DCAF6: variants seen among roughly 807,000 people sequenced by gnomAD.
DCAF6 encodes the protein DDB1 and CUL4 associated factor 6.
A neutral mutation model predicts 125.1 loss-of-function variants in DCAF6; 54 were observed. The ratio of observed to expected loss-of-function variants is 0.43; its 90% CI spans 0.35 to 0.54. DCAF6 has a LOEUF of 0.54. Ranked by LOEUF, DCAF6 falls within the 20% of genes least tolerant of loss-of-function variation. The pLI is 0.01. For missense variants in DCAF6, 934 were observed against 1,161.7 expected (o/e 0.80, Z 2.85); for synonymous variants, 371 against 390.4 (o/e 0.95, Z 0.58).
chr1:167,923,109 G>T, the DCAF6 span, among the ~76,000 whole-genome samples: 1 of 152,166 alleles, frequency 6.6e-6, no homozygotes. Context: ...TGAATTGCTG[G>T]TAGAAATGTA....
chr1:167,882,718 G>A, the DCAF6 span, among the ~76,000 whole-genome samples: 2 of 73,958 alleles, frequency 2.7e-5, no homozygotes, highest in African/African-American at 1.2e-4. Flanking sequence ...GTAGCCCAGC[G>A]TAGTGAGAGG....
chr1:167,893,695 C>CAAAAAA, the DCAF6 span, among the ~76,000 whole-genome samples: 1 of 70,190 alleles, frequency 1.4e-5, no homozygotes, highest in African/African-American at 5.0e-5. Flanking sequence ...GACTCTGTCT[C>CAAAAAA]AAAAAAAAAA....
At chr1:167,894,017 G>T in the DCAF6 span, 1 of 998,640 alleles carries the variant, frequency 1.0e-6, no homozygotes, top group Non-Finnish European at 1.6e-6. Flanking sequence ...GAGGCTCCCA[G>T]TCCCTATTCT....
chr1:167,900,720 C>T, the DCAF6 span, among the ~76,000 whole-genome samples: 25 of 152,174 alleles, frequency 1.6e-4, no homozygotes, highest in African/African-American at 5.3e-4. Flanking sequence ...TTAGTAGAGA[C>T]GGGGTTTCAC....
chr1:167,995,591 A>G (rs1479965587), intron 7 of DCAF6, among the ~76,000 whole-genome samples: 1 of 151,810 alleles, frequency 6.6e-6, no homozygotes, highest in East Asian at 1.9e-4. Context: ...GAGGCAGGAG[A>G]ATTGCTTGAA....
chr1:167,985,423 C>T (rs1330558161), intron 4 of DCAF6, among the ~76,000 whole-genome samples: 2 of 152,122 alleles, frequency 1.3e-5, no homozygotes, highest in African/African-American at 2.4e-5. Flanking sequence ...CTTCCTCTAT[C>T]TTCAAACCCA....
the DCAF6 span, chr1:167,901,744 C>T: frequency 6.2e-7 from 1 of 1,614,180 alleles, no homozygotes; most frequent in Non-Finnish European, 8.5e-7. Context: ...ATTTAATTAC[C>T]ACTGTGATAA....
At chr1:167,899,611 T>C in the DCAF6 span, 3 of 1,613,998 alleles carry the variant, frequency 1.9e-6, no homozygotes, top group Non-Finnish European at 2.5e-6. Context: ...AACATGCTGA[T>C]GTGGCCAGCA....
the DCAF6 span, among the ~76,000 whole-genome samples, chr1:167,880,838 T>G: frequency 6.6e-6 from 1 of 152,206 alleles, no homozygotes; most frequent in African/African-American, 2.4e-5. Flanking sequence ...ATATAGTGAA[T>G]AGGGCTGAGC....
intron 21 of DCAF6, among the ~76,000 whole-genome samples, chr1:168,069,515 G>A (rs1251780374): frequency 6.6e-6 from 1 of 152,122 alleles, no homozygotes; most frequent in Admixed American, 6.5e-5. Flanking sequence ...CATAAGCAGT[G>A]AATTAAATAT....
chr1:167,870,756 C>G, the DCAF6 span, among the ~76,000 whole-genome samples: 3 of 151,264 alleles, frequency 2.0e-5, no homozygotes, highest in African/African-American at 7.3e-5. Flanking sequence ...TTGCAGCGAG[C>G]CGGGATCCTG....
At chr1:167,868,220 T>C in the DCAF6 span, among the ~76,000 whole-genome samples, 10 of 152,266 alleles carry the variant, frequency 6.6e-5, no homozygotes, top group Non-Finnish European at 1.3e-4. Flanking sequence ...TGTCACCTCA[T>C]GTTACGTTTG....
chr1:167,918,828 T>C, the DCAF6 span, among the ~76,000 whole-genome samples: 3 of 151,984 alleles, frequency 2.0e-5, no homozygotes, highest in Non-Finnish European at 2.9e-5. Flanking sequence ...CTCCTGACCT[T>C]GTGGTCTGCC....
At chr1:167,887,283 C>T in the DCAF6 span, among the ~76,000 whole-genome samples, 7 of 152,124 alleles carry the variant, frequency 4.6e-5, no homozygotes, top group Admixed American at 4.6e-4. Flanking sequence ...ATAGCAAAGA[C>T]CTGGAACCAA....
upstream of DCAF6, chr1:167,936,547 A>G (rs203787): frequency 3.8e-4 from 105 of 274,540 alleles, no homozygotes; most frequent in African/African-American, 2.2e-3. Context: ...CTCAGTCCCC[A>G]GGGTGGTCGT....
chr1:167,993,665 C>T (rs1010062017), intron 7 of DCAF6, among the ~76,000 whole-genome samples: 13 of 152,152 alleles, frequency 8.5e-5, no homozygotes, highest in Admixed American at 4.6e-4. Context: ...AGCAGAATCG[C>T]TTGAACCCGG....
upstream of DCAF6, chr1:167,936,548 G>A (rs1002505270): frequency 2.1e-5 from 6 of 279,694 alleles, no homozygotes; most frequent in Non-Finnish European, 3.5e-5. Flanking sequence ...TCAGTCCCCA[G>A]GGTGGTCGTC....
At chr1:167,912,533 C>T in the DCAF6 span, among the ~76,000 whole-genome samples, 459 of 152,342 alleles carry the variant, frequency 3.0e-3, 2 homozygotes, top group Non-Finnish European at 5.6e-3. Flanking sequence ...AAACCAATCC[C>T]CTGAACCCTA....
intron 12 of DCAF6, among the ~76,000 whole-genome samples, chr1:168,034,956 T>A (rs1687605636): frequency 6.6e-6 from 1 of 152,222 alleles, no homozygotes; most frequent in Admixed American, 6.5e-5. Context: ...TAGGTTTTTC[T>A]TAAGACATTT....
Sources: gnomAD v4.1 joint callset for allele counts (sites outside exome capture counted in the v4.1 genomes callset) on GRCh38, gnomAD v4.1.1 for gene constraint, MANE v1.5 for transcripts, NCBI Gene and HGNC (gene_info 2026-07-23, HGNC 2026-07-21) for gene names.